The following APPL1 variants were observed in gnomAD, a reference collection of about 807,000 sequenced individuals.
The protein encoded by APPL1 is DCC-interacting protein 13-alpha.
A neutral mutation model predicts 106.8 loss-of-function variants in APPL1; 42 were observed. The ratio of observed to expected loss-of-function variants is 0.39; its 90% CI spans 0.31 to 0.51. The LOEUF is 0.51. Among genes scored for constraint, APPL1 ranks in the 20% least tolerant of loss-of-function variants. APPL1 has a pLI of 0.75. For synonymous variants in APPL1, 263 were observed against 281.8 expected (o/e 0.93, Z 0.67); for missense variants, 769 against 858.2 (o/e 0.90, Z 1.30).
At chr3:57,250,069 A>C (rs1291185805) in intron 11 of APPL1, among the ~76,000 whole-genome samples, 1 of 152,214 alleles carries the variant, frequency 6.6e-6, no homozygotes, top group Non-Finnish European at 1.5e-5. Context: ...CAATAGTGTT[A>C]TTTTAAAATG....
At chr3:57,233,816 C>G (rs1168227487) in intron 1 of APPL1, among the ~76,000 whole-genome samples, 4 of 152,080 alleles carry the variant, frequency 2.6e-5, no homozygotes, top group Non-Finnish European at 1.5e-5. Flanking sequence ...GTGGCTCACA[C>G]CTGACCTGTA....
intron 12 of APPL1, among the ~76,000 whole-genome samples, 159 bp downstream of exon 12, chr3:57,252,470 G>A (rs1028142992): frequency 1.3e-5 from 2 of 151,892 alleles, no homozygotes; most frequent in African/African-American, 4.8e-5. Context: ...TATTGTCCTC[G>A]AGCAATATTC....
chr3:57,235,747 C>A lies in APPL1; in HGVS notation c.153+83C>A. The A allele has an allele frequency of 9.4e-6, 9 of 957,860 alleles. No individual in the cohort carries two copies. In the South Asian group the frequency reaches 1.4e-4, roughly 15 times the overall value. 59.3% of individuals were successfully genotyped at this position (957,860 alleles called of 1,614,324 possible). On this transcript the variant is annotated intron_variant, in intron 2 of 21. Transcript: ENST00000288266. ...GGACAGATAGTGTCTGTCTTGTTTA[C>A]CACTGCTTTAGCCCTGTGTTAGGCT...
chr3:57,240,276 G>A (rs1175865255), intron 4 of APPL1, among the ~76,000 whole-genome samples, 189 bp from the exon 5 acceptor site: 1 of 151,486 alleles, frequency 6.6e-6, no homozygotes, highest in Non-Finnish European at 1.5e-5. Context: ...AGGTCATTCT[G>A]TGTTTTCTAA....
In APPL1 at chr3:57,248,186, G is replaced by A; in HGVS notation, c.705-7G>A. On this transcript the variant is annotated splice_polypyrimidine_tract_variant and splice_region_variant and intron_variant, in intron 9 of 21. Coordinates refer to ENST00000288266, the MANE Select transcript of APPL1 (RefSeq NM_012096.3). ...TGATTTGTAGCAAATAATCTGTTCT[G>A]TGTCAGTGTTCGCAGGGAAATGGAC... 1 of 1,610,622 alleles carries A rather than the reference G, an allele frequency of 6.2e-7. No homozygotes were observed. Among genetic ancestry groups the A allele is most frequent in the South Asian group, 1.1e-5 (1 of 90,590 alleles).
intron 19 of APPL1, among the ~76,000 whole-genome samples, chr3:57,265,153 T>G (rs1020403726): frequency 2.6e-5 from 4 of 152,042 alleles, no homozygotes; most frequent in African/African-American, 9.7e-5. Context: ...TTTGTTTTTT[T>G]TGTTTGTTCT....
At chr3:57,229,998 G>A (rs868552904) in intron 1 of APPL1, among the ~76,000 whole-genome samples, 5 of 152,144 alleles carry the variant, frequency 3.3e-5, no homozygotes, top group South Asian at 2.1e-4. Flanking sequence ...ACAGGTGTGA[G>A]CCACTGCGCC....
intron 7 of APPL1, among the ~76,000 whole-genome samples, chr3:57,245,033 AG>A (rs2060765445): frequency 6.6e-6 from 1 of 152,138 alleles, no homozygotes; most frequent in Non-Finnish European, 1.5e-5. Context: ...GCAGAAGAAC[AG>A]GTTTTGTGTA....
At chr3:57,227,983 C>T (rs756263316) in intron 1 of APPL1, 46 bp downstream of exon 1, 277 of 1,390,604 alleles carry the variant, frequency 2.0e-4, no homozygotes, top group Non-Finnish European at 2.4e-4. Context: ...CCCAGCTGGC[C>T]GACCCCAGGT....
At chr3:57,263,771 T>G (rs2060880530) in intron 19 of APPL1, among the ~76,000 whole-genome samples, 7 of 152,162 alleles carry the variant, frequency 4.6e-5, no homozygotes, top group South Asian at 4.1e-4. Context: ...TGTTGTTTTT[T>G]TTTTTTTTCC....
At chr3:57,268,916 TA>T (rs1553638388) in intron 21 of APPL1, 1 of 152,588 alleles carries the variant, frequency 6.6e-6, no homozygotes, top group Non-Finnish European at 1.5e-5. Flanking sequence ...AGAATAATTT[TA>T]AAAGACAAAT....
intron 21 of APPL1, 95 bp from the exon 22 acceptor site, chr3:57,269,446 C>T: frequency 8.9e-7 from 1 of 1,128,040 alleles, no homozygotes; most frequent in Non-Finnish European, 1.2e-6. Context: ...ATATTTATGA[C>T]AGAAGAAGTG....
At chr3:57,253,829 C>T in intron 13 of APPL1, 91 bp downstream of exon 13, 60 of 858,518 alleles carry the variant, frequency 7.0e-5, no homozygotes, top group Middle Eastern at 4.1e-4. Context: ...TTCTCAGGTT[C>T]TGTAATTTTT....
Position 57,239,629 on chromosome 3 carries a change from C to CA in APPL1, c.286-834dup, listed in dbSNP as rs1213456910. On this transcript the variant is annotated intron_variant, in intron 4 of 21. Coordinates refer to ENST00000288266, the MANE Select transcript of APPL1 (RefSeq NM_012096.3). Reference sequence around the variant, plus strand: ...TAATGTTATTATGAGCATTCATATACAAGATTGTTTTTTTTGTTTTGAACA... The same window carrying CA: ...TAATGTTATTATGAGCATTCATATACAAAGATTGTTTTTTTTGTTTTGAACA... Among the ~76,000 whole-genome samples, 12 of 152,068 alleles carry CA rather than the reference C, an allele frequency of 7.9e-5. 1 individual carries two copies. Among genetic ancestry groups the CA allele is most frequent in the Admixed American group, 7.9e-4 (12 of 15,266 alleles).
chr3:57,254,432 T>C (rs887528916), intron 13 of APPL1, among the ~76,000 whole-genome samples: 23 of 152,336 alleles, frequency 1.5e-4, no homozygotes, highest in Non-Finnish European at 2.9e-4. Context: ...TGGCGATGAC[T>C]AAAGGCTTAG....
Position 57,236,985 on chromosome 3 carries a change from C to A in APPL1, c.154-507C>A, listed in dbSNP as rs534487962. 2.6e-5 allele frequency among the ~76,000 whole-genome samples: 4 copies of A among 152,218 alleles called. No homozygotes were observed. In the South Asian group the frequency reaches 8.3e-4, roughly 32 times the overall value. On this transcript the variant is annotated intron_variant, in intron 2 of 21. Coordinates refer to ENST00000288266, the MANE Select transcript of APPL1 (RefSeq NM_012096.3). ...CAGGCTCTGAAGCTTTGCTTTCTGA[C>A]TACAGAGATATATGATTAATATGTT...
chr3:57,253,727 G>T lies in APPL1; in HGVS notation c.1141G>T (p.Glu381Ter). ...CATATCTAAACAAATATACTTAAGT[G>T]AAAATCCAGAGGTAATATTTTTATT... Reference protein sequence around the residue: ...NNISKQIYLSENPEETAARVN... With the variant: ...NNISKQIYLS The change falls in exon 13 of 22, where the codon GAA becomes TAA. Residue 381 changes from glutamate (E) to a stop codon, truncating the protein, a stop_gained. Transcript: ENST00000288266. LOFTEE classifies it high-confidence loss of function. 7.0e-7 allele frequency: 1 copy of T among 1,438,370 alleles called. No individual in the cohort carries two copies. Among genetic ancestry groups the T allele is most frequent in the South Asian group, 1.4e-5 (1 of 69,562 alleles). 89.1% of individuals were successfully genotyped at this position (1,438,370 alleles called of 1,614,324 possible). A position where few individuals can be genotyped will look rare whatever the true frequency, so the allele number is the denominator to read the frequency against.
chr3:57,267,383 T>C (rs1259869020), intron 19 of APPL1, among the ~76,000 whole-genome samples: 1 of 152,208 alleles, frequency 6.6e-6, no homozygotes, highest in East Asian at 1.9e-4. Context: ...CTCTCATTTA[T>C]GTTGGGAACC....
chr3:57,248,085 C>T, intron 9 of APPL1, 108 bp from the exon 10 acceptor site: 1 of 1,176,040 alleles, frequency 8.5e-7, no homozygotes, highest in Non-Finnish European at 1.2e-6. Flanking sequence ...CCATGCCGCT[C>T]TTCCTCTCTT....
Sources: gnomAD v4.1 joint callset for allele counts (sites outside exome capture counted in the v4.1 genomes callset) on GRCh38, gnomAD v4.1.1 for gene constraint, MANE v1.5 for transcripts, NCBI Gene and HGNC (gene_info 2026-07-23, HGNC 2026-07-21) for gene names.